Variants in GAPVD1 observed in about 807,000 individuals in gnomAD.
GAPVD1 encodes the protein GTPase activating protein and VPS9 domains 1, also known as GTPase-activating protein and VPS9 domain-containing protein 1.
Under a neutral mutation model 155.5 loss-of-function variants are expected in GAPVD1, and 35 were observed. The ratio of observed to expected loss-of-function variants is 0.23; its 90% confidence interval spans 0.17 to 0.30. The LOEUF (loss-of-function observed/expected upper bound fraction) is 0.30. Ranked by LOEUF, GAPVD1 falls within the 10% of genes least tolerant of loss-of-function variation. The probability of loss-of-function intolerance (pLI) is 1.00; values close to 1 mark genes in which losing one functional copy is unlikely to be tolerated. For missense variants in GAPVD1, 1,429 were observed against 1,775.7 expected (o/e 0.80, Z 3.51); for synonymous variants, 636 against 619.7 (o/e 1.03, Z -0.39).
chr9:125,306,567 A>G (rs1300346808), intron 6 of GAPVD1, among the ~76,000 whole-genome samples: 2 of 151,658 alleles, frequency 1.3e-5, no homozygotes, highest in African/African-American at 4.9e-5. Context: ...ATCTCAGCTC[A>G]CTGCAGCCTC....
At chr9:125,340,583 A>C (rs1466136328) in intron 17 of GAPVD1, among the ~76,000 whole-genome samples, 1 of 152,136 alleles carries the variant, frequency 6.6e-6, no homozygotes, top group Non-Finnish European at 1.5e-5. Flanking sequence ...CACATAGTAC[A>C]CATTTGGTTT....
At position 125,337,099 on chromosome 9, in the gene GAPVD1, A is replaced by T. The variant is rs1365227406; in HGVS notation, c.2506+4A>T. Reference sequence around the variant, plus strand: ...GATCCACTGTCTTCACATGAAGGTAAACCAGTGAAATGAACTTTTTCACTT... The same window carrying T: ...GATCCACTGTCTTCACATGAAGGTATACCAGTGAAATGAACTTTTTCACTT... On this transcript the variant is annotated splice_donor_region_variant and intron_variant, in intron 16 of 27. Coordinates refer to ENST00000297933, the MANE Select transcript of GAPVD1 (RefSeq NM_001282680.3). The T allele has an allele frequency of 6.2e-7, 1 of 1,609,070 alleles. No individual in the cohort carries two copies. Among genetic ancestry groups the T allele is most frequent in the African/African-American group, 1.3e-5 (1 of 74,954 alleles).
chr9:125,302,593 A>G lies in GAPVD1; in HGVS notation c.796A>G (p.Ile266Val), dbSNP rs765485724. Residue 266 changes from isoleucine to valine, a missense_variant, in exon 5 of 28, where the codon ATT becomes GTT. By Grantham distance (29) the Ile-to-Val change is conservative. Around this residue, in one of 4 missense-constraint regions of GAPVD1, gnomAD observed 628 missense variants for 733.4 expected, o/e 0.86. Coordinates refer to ENST00000297933, the MANE Select transcript of GAPVD1 (RefSeq NM_001282680.3). ...GCTAGTGGCTTTGGTGAACAAATTT[A>G]TTGGTTATCTCAAACAGAACACATA... is the stretch of plus-strand genomic sequence containing the variant. The part of the protein sequence containing the change: ...AKLVALVNKF[I>V]GYLKQNTYCF... 1.9e-6 allele frequency: 3 copies of G among 1,613,966 alleles called. No homozygotes were observed. Among genetic ancestry groups the G allele is most frequent in the East Asian group, 4.5e-5 (2 of 44,894 alleles).
At chr9:125,292,905 A>G (rs2132539965) in intron 2 of GAPVD1, among the ~76,000 whole-genome samples, 1 of 152,324 alleles carries the variant, frequency 6.6e-6, no homozygotes, top group Admixed American at 6.5e-5. Flanking sequence ...TTGGGAAATC[A>G]TTAATGGCTT....
Position 125,366,032 on chromosome 9 carries a change from C to A in GAPVD1, c.*3286C>A, listed in dbSNP as rs536522855. 1 of 152,322 alleles carries A rather than the reference C, an allele frequency of 6.6e-6. No individual in the cohort carries two copies. Among genetic ancestry groups the A allele is most frequent in the Non-Finnish European group, 1.5e-5 (1 of 68,026 alleles). 9.4% of individuals were successfully genotyped at this position (152,322 alleles called of 1,614,324 possible). A position where few individuals can be genotyped will look rare whatever the true frequency, so the allele number is the denominator to read the frequency against. On this transcript the variant is annotated 3_prime_UTR_variant, in exon 28 of 28. Transcript: ENST00000297933. ...TCTCAGCCACAGTAATTGCTTTCTT[C>A]TGCTTTTTCTTTATAAAAACCTGCT...
intron 2 of GAPVD1, among the ~76,000 whole-genome samples, chr9:125,292,416 A>G (rs989105065): frequency 6.7e-6 from 1 of 148,842 alleles, no homozygotes; most frequent in African/African-American, 2.5e-5. Flanking sequence ...TTTTTTTTAG[A>G]CACTCTTGCC....
At chr9:125,349,622 A>G (rs996171943) in intron 21 of GAPVD1, 103 bp downstream of exon 21, 11 of 965,952 alleles carry the variant, frequency 1.1e-5, no homozygotes, top group Non-Finnish European at 1.7e-5. Flanking sequence ...TGTATAAAGC[A>G]GGGAGAGAAA....
chr9:125,325,922 TGTGATGAAATCTCACACA>T (rs1845103773), intron 11 of GAPVD1, among the ~76,000 whole-genome samples: 1 of 152,226 alleles, frequency 6.6e-6, no homozygotes, highest in Admixed American at 6.5e-5. Context: ...TTCTGAATAA[TGTGATGAAATCTCACACA>T]GTCTCACTCT....
At chr9:125,360,808 T>G (rs764499088) in intron 27 of GAPVD1, 83 bp downstream of exon 27, 15 of 1,005,014 alleles carry the variant, frequency 1.5e-5, no homozygotes, top group South Asian at 4.1e-5. Context: ...CATAGATATC[T>G]TGGCTCTTTT....
At chr9:125,362,466 C>A in intron 27 of GAPVD1, 140 bp from the exon 28 acceptor site, 2 of 672,986 alleles carry the variant, frequency 3.0e-6, no homozygotes, top group Non-Finnish European at 4.9e-6. Context: ...TCACAGATTA[C>A]TTCCAAAAAA....
chr9:125,274,463 C>CTT (rs1161944755), intron 2 of GAPVD1, among the ~76,000 whole-genome samples: 4 of 137,934 alleles, frequency 2.9e-5, no homozygotes, highest in South Asian at 2.3e-4. Context: ...GCGCTTTGTA[C>CTT]TTTTTTTTTT....
At chr9:125,352,530 A>G (rs943394745) in intron 23 of GAPVD1, among the ~76,000 whole-genome samples, 3 of 152,180 alleles carry the variant, frequency 2.0e-5, no homozygotes, top group Middle Eastern at 3.2e-3. Context: ...AGGGCAGGGC[A>G]CCAAGTCCCT....
intron 1 of GAPVD1, chr9:125,263,934 T>C (rs1833403147): frequency 2.1e-6 from 3 of 1,440,188 alleles, no homozygotes; most frequent in South Asian, 1.1e-5. Context: ...TGTTCCTTCA[T>C]GTAGCCTTGA....
rs776941201 is a variant in GAPVD1 at position 125,332,473 on chromosome 9, C to G, written c.2309-37C>G. The G allele has an allele frequency of 1.3e-5, 19 of 1,505,378 alleles. No homozygotes were observed. In the South Asian group the frequency reaches 1.7e-4, roughly 13 times the overall value. 93.3% of individuals were successfully genotyped at this position (1,505,378 alleles called of 1,614,324 possible). ...ATACTTTTTGTGTGGATATTTTGTT[C>G]TTCTTCCTGTTTATTTTTTACTATT... On this transcript the variant is annotated intron_variant, in intron 14 of 27. Coordinates refer to ENST00000297933, the MANE Select transcript of GAPVD1 (RefSeq NM_001282680.3).
chr9:125,347,546 C>T (rs1848663003), intron 20 of GAPVD1, among the ~76,000 whole-genome samples: 1 of 151,980 alleles, frequency 6.6e-6, no homozygotes, highest in Admixed American at 6.6e-5. Context: ...GCCAATGTGG[C>T]AAAACCCCAT....
intron 19 of GAPVD1, among the ~76,000 whole-genome samples, chr9:125,344,086 G>A (rs1360360856): frequency 6.6e-6 from 1 of 152,118 alleles, no homozygotes; most frequent in Non-Finnish European, 1.5e-5. Context: ...GATTCAAGCA[G>A]ATTAGCTTCC....
chr9:125,297,768 T>C (rs890102968), intron 3 of GAPVD1, among the ~76,000 whole-genome samples: 2 of 152,060 alleles, frequency 1.3e-5, no homozygotes, highest in African/African-American at 4.8e-5. Context: ...TTTTTTGAGA[T>C]AGAGTCTCAC....
intron 9 of GAPVD1, among the ~76,000 whole-genome samples, chr9:125,315,610 C>T (rs540135475): frequency 7.1e-4 from 108 of 152,056 alleles, no homozygotes; most frequent in African/African-American, 1.7e-3. Context: ...TTCCCAGGGC[C>T]GAGGCAGCTA....
intron 20 of GAPVD1, among the ~76,000 whole-genome samples, chr9:125,348,580 T>G (rs1004804838): frequency 2.0e-5 from 3 of 152,182 alleles, no homozygotes; most frequent in African/African-American, 7.2e-5. Context: ...TGGTGCAATC[T>G]TGGCTCACTG....
Sources: gnomAD v4.1 joint callset for allele counts (sites outside exome capture counted in the v4.1 genomes callset) on GRCh38, gnomAD v4.1.1 for gene constraint, gnomAD v4.1.1 regional missense constraint, MANE v1.5 for transcripts, NCBI Gene and HGNC (gene_info 2026-07-23, HGNC 2026-07-21) for gene names.